Variants in CAMK2B observed in about 807,000 individuals in gnomAD.
The protein encoded by CAMK2B is calcium/calmodulin-dependent protein kinase type II subunit beta.
CAMK2B carries 27 observed loss-of-function variants against 93.7 expected under a neutral mutation model. The ratio of observed to expected loss-of-function variants is 0.29; its 90% CI spans 0.21 to 0.40. The LOEUF (loss-of-function observed/expected upper bound fraction) is 0.40. Among genes scored for constraint, CAMK2B ranks in the 10% least tolerant of loss-of-function variants. The pLI, the probability that CAMK2B is intolerant of heterozygous loss-of-function variation, is 1.00. For missense variants in CAMK2B, 568 were observed against 895.8 expected, an observed-to-expected ratio of 0.63 and a Z score of 4.67; for synonymous variants, 374 against 358.8, an observed-to-expected ratio of 1.04 and a Z score of -0.48.
At chr7:44,223,713 G>A (rs1014998636) in intron 20 of CAMK2B, among the ~76,000 whole-genome samples, 2 of 151,886 alleles carry the variant, frequency 1.3e-5, no homozygotes, top group African/African-American at 4.8e-5. Flanking sequence ...CAAGCTTCAG[G>A]TCTGACCTCT....
intron 13 of CAMK2B, 87 bp downstream of exon 13, chr7:44,239,502 C>T (rs573971263): frequency 5.1e-5 from 67 of 1,301,098 alleles, no homozygotes; most frequent in South Asian, 3.4e-4. Flanking sequence ...CTCTGGAGCC[C>T]GGCCAGCGGC....
At chr7:44,282,710 G>A (rs2097111973) in intron 2 of CAMK2B, among the ~76,000 whole-genome samples, 2 of 152,222 alleles carry the variant, frequency 1.3e-5, no homozygotes. Flanking sequence ...AAACAACGCC[G>A]ACACATCGCT....
At position 44,258,945 on chromosome 7, in the gene CAMK2B, C is replaced by T. The variant is rs1562935399; in HGVS notation, c.221-19G>A. ...AGACGCACTGTGGGGACAGAGAAGC[C>T]ATGAGGGGCTGGCAATAGCCCAGGA... On this transcript the variant is annotated intron_variant, in intron 3 of 23. Transcript: ENST00000395749. 1.2e-6 allele frequency: 2 copies of T among 1,612,600 alleles called. No homozygotes were observed. The highest frequency in any genetic ancestry group is 1.7e-6 in the Non-Finnish European group (2 of 1,179,022).
At chr7:44,288,482 G>C (rs1465152108) in intron 1 of CAMK2B, among the ~76,000 whole-genome samples, 2 of 152,196 alleles carry the variant, frequency 1.3e-5, no homozygotes, top group Admixed American at 1.3e-4. Flanking sequence ...TGTGGGCTGC[G>C]AATTGCATCT....
At chr7:44,234,586 G>A (rs2096608555) in intron 14 of CAMK2B, 53 bp downstream of exon 14, 11 of 1,606,882 alleles carry the variant, frequency 6.8e-6, no homozygotes, top group East Asian at 2.2e-5. Flanking sequence ...GCGTGGGGGT[G>A]AAGCTGCAGG....
intron 1 of CAMK2B, among the ~76,000 whole-genome samples, chr7:44,285,370 C>G (rs1165871601): frequency 6.6e-6 from 1 of 152,194 alleles, no homozygotes; most frequent in Non-Finnish European, 1.5e-5. Context: ...AGCCCACCAC[C>G]AGGTGGGCAC....
rs951218829 is a variant in CAMK2B, at chr7:44,233,353, G to A, written c.1132-487C>T. 3.9e-5 allele frequency among the ~76,000 whole-genome samples: 6 copies of A among 152,246 alleles called. No homozygotes were observed. The South Asian group carries it at 1.2e-3, about 32-fold the overall frequency. Reference sequence around the variant, plus strand: ...GGCACGTGGGCTGCCCTGGCCACTGGAAGGCCCTAGGTAGGCTGCACCAGG... The same window carrying A: ...GGCACGTGGGCTGCCCTGGCCACTGAAAGGCCCTAGGTAGGCTGCACCAGG... On this transcript the variant is annotated intron_variant, in intron 15 of 23. Transcript: ENST00000395749.
In CAMK2B at chr7:44,271,350, C is replaced by T. The variant is rs1276912844; in HGVS notation, c.161-8286G>A. ...AAGGCTAAACTTGACTGCGCTCGCA[C>T]ACTAGTGACAGAGTACTTGGGAGCC... On this transcript the variant is annotated intron_variant, in intron 2 of 23. Coordinates refer to ENST00000395749, the MANE Select transcript of CAMK2B (RefSeq NM_001220.5). The surrounding 1 kb of genome is among the most constrained non-coding windows in gnomAD (Gnocchi z 4.2). 6.6e-6 allele frequency among the ~76,000 whole-genome samples: 1 copy of T among 152,248 alleles called. No homozygotes were observed. The highest frequency in any genetic ancestry group is 1.9e-4 in the East Asian group (1 of 5,208).
intron 2 of CAMK2B, among the ~76,000 whole-genome samples, chr7:44,269,693 G>A (rs572973918): frequency 3.9e-5 from 6 of 152,234 alleles, no homozygotes; most frequent in East Asian, 1.9e-4. Context: ...GGGCGGGGGC[G>A]GCGGAGGGGC....
chr7:44,230,980 G>C (rs150076245), intron 17 of CAMK2B, 26 bp downstream of exon 17: 2 of 1,550,514 alleles, frequency 1.3e-6, no homozygotes, highest in East Asian at 2.4e-5. Flanking sequence ...AGGCCGCTGG[G>C]GGGGCAAGGA....
chr7:44,239,627 G>T lies in CAMK2B; in HGVS notation c.983C>A (p.Thr328Asn). 1 of 1,550,408 alleles carries T rather than the reference G, an allele frequency of 6.4e-7. No homozygotes were observed. The highest frequency in any genetic ancestry group is 2.4e-5 in the East Asian group (1 of 40,902). Residue 328 changes from threonine (T) to asparagine (N), a missense_variant, in exon 13 of 24, where the codon ACC becomes AAC. Around this residue, in one of 4 missense-constraint regions of CAMK2B, gnomAD observed 308 missense variants for 292.1 expected, o/e 1.05. Coordinates refer to ENST00000395749, the MANE Select transcript of CAMK2B (RefSeq NM_001220.5). ...CCCCATGGTGGTGCCGGAGGCCGCGGTGGACATTGTGGCCGGAGCGGTGGT... is the reference window on the plus strand; with the variant it reads ...CCCCATGGTGGTGCCGGAGGCCGCGTTGGACATTGTGGCCGGAGCGGTGGT... ...RQTTAPATMS[T>N]AASGTTMGLV... is the part of the protein sequence containing the mutation.
At chr7:44,303,445 A>G (rs1368942087) in intron 1 of CAMK2B, among the ~76,000 whole-genome samples, 1 of 152,198 alleles carries the variant, frequency 6.6e-6, no homozygotes, top group African/African-American at 2.4e-5. Context: ...TAATACAATA[A>G]CCAACACAAT....
rs56347500 is a variant in CAMK2B at position 44,220,140 on chromosome 7, G to A, written c.1923C>T (p.Arg641=). 9,300 of 1,612,370 alleles carry A rather than the reference G, an allele frequency of 5.8e-3. 36 individuals carry two copies. The highest frequency in any genetic ancestry group is 0.019 in the Middle Eastern group (114 of 6,062). Residue 641 remains arginine, a synonymous_variant, in exon 23 of 24, where the codon CGC becomes CGT. Coordinates refer to ENST00000395749, the MANE Select transcript of CAMK2B (RefSeq NM_001220.5). ...ACTTGCCGTCGCGGCGGTGCCACAC[G>A]CGGGTCTCCTCAGACTGGCTGGTGC... ...RPRTSQSEET[R]VWHRRDGKWQ...
Position 44,242,211 on chromosome 7 carries a change from G to T in CAMK2B, c.819+7C>A. 1 of 1,610,614 alleles carries T rather than the reference G, an allele frequency of 6.2e-7. No homozygotes were observed. The highest frequency in any genetic ancestry group is 1.1e-5 in the South Asian group (1 of 90,766). On this transcript the variant is annotated splice_region_variant and intron_variant, in intron 10 of 23. Transcript: ENST00000395749. The stretch of plus-strand genomic sequence containing the variant: ...CCTCCCCACCATGGGCACCAAGGGC[G>T]ACTCACGCAGACCCACGGGTGCTTC...
At chr7:44,314,658 A>G (rs4524693) in intron 1 of CAMK2B, among the ~76,000 whole-genome samples, 134,070 of 151,856 alleles carry the variant, frequency 0.88, 59,470 homozygotes, top group East Asian at 0.99. Context: ...AACATTTTGA[A>G]GACCCACCAA....
At chr7:44,297,724 A>C (rs921678744) in intron 1 of CAMK2B, among the ~76,000 whole-genome samples, 1 of 152,216 alleles carries the variant, frequency 6.6e-6, no homozygotes, top group African/African-American at 2.4e-5. Context: ...GGAAAAAAAA[A>C]CCATCTTAAA....
At chr7:44,221,538 C>T (rs2096406865) in intron 20 of CAMK2B, among the ~76,000 whole-genome samples, 1 of 149,530 alleles carries the variant, frequency 6.7e-6, no homozygotes, top group South Asian at 2.1e-4. Context: ...ATGACCAGGG[C>T]TGTCCCCGCA....
chr7:44,230,978 G>A (rs1179733270), intron 17 of CAMK2B, 28 bp downstream of exon 17: 9 of 1,543,928 alleles, frequency 5.8e-6, no homozygotes, highest in Middle Eastern at 1.7e-4. Context: ...CAAGGCCGCT[G>A]GGGGGGCAAG....
intron 1 of CAMK2B, 47 bp from the exon 2 acceptor site, chr7:44,284,272 A>C: frequency 7.5e-7 from 1 of 1,339,246 alleles, no homozygotes; most frequent in Non-Finnish European, 1.1e-6. Flanking sequence ...GAGACAGACA[A>C]GGAGAAAGAG....
Sources: allele counts gnomAD v4.1 joint callset (sites outside exome capture counted in the v4.1 genomes callset), GRCh38; gene constraint gnomAD v4.1.1; regional missense constraint gnomAD v4.1.1; non-coding constraint Gnocchi (gnomAD v3.1); transcripts MANE v1.5; gene names NCBI Gene and HGNC (gene_info 2026-07-23, HGNC 2026-07-21).